The following PTCHD4 variants were observed in gnomAD, a reference collection of about 807,000 sequenced individuals.
PTCHD4 encodes patched domain-containing protein 4.
Under a neutral mutation model 58.1 loss-of-function variants are expected in PTCHD4, and 33 were observed. That is an observed-to-expected ratio of 0.57 (90% CI 0.43 to 0.76). The LOEUF is 0.76. Among genes scored for constraint, PTCHD4 ranks in the 30% least tolerant of loss-of-function variants. The pLI is 0.00. For synonymous variants in PTCHD4, 478 were observed against 409.6 expected, an observed-to-expected ratio of 1.17 and a Z score of -2.02; for missense variants, 1,058 against 1,027.1, an observed-to-expected ratio of 1.03 and a Z score of -0.41.
At chr6:47,949,359 A>T (rs1374433692) in intron 4 of PTCHD4, among the ~76,000 whole-genome samples, 1 of 152,120 alleles carries the variant, frequency 6.6e-6, no homozygotes, top group East Asian at 1.9e-4. Flanking sequence ...AAAAGATATG[A>T]CCAGGTGGGG....
chr6:48,034,409 G>A (rs1366841185), intron 3 of PTCHD4, among the ~76,000 whole-genome samples: 1 of 151,970 alleles, frequency 6.6e-6, no homozygotes, highest in Non-Finnish European at 1.5e-5. Context: ...TTTGGGTGTG[G>A]GCCTTGACAT....
chr6:48,065,413 G>C lies in PTCHD4; in HGVS notation c.417+2817C>G, dbSNP rs372336015. 1.1e-4 allele frequency among the ~76,000 whole-genome samples: 16 copies of C among 152,164 alleles called. No individual in the cohort carries two copies. In the East Asian group the frequency reaches 1.9e-3, roughly 18 times the overall value. On this transcript the variant is annotated intron_variant, in intron 3 of 4. Transcript: ENST00000339488. Reference sequence around the variant, plus strand: ...AGGAGAAAGCAAAATGAATTTGAGGGCTAAAAAAATACATATAAAAATTTT... The same window carrying C: ...AGGAGAAAGCAAAATGAATTTGAGGCCTAAAAAAATACATATAAAAATTTT...
chr6:47,998,982 G>A (rs1279443271), intron 4 of PTCHD4, among the ~76,000 whole-genome samples: 4 of 152,152 alleles, frequency 2.6e-5, no homozygotes, highest in African/African-American at 7.2e-5. Context: ...AATCATAAAA[G>A]CCACCAATAA....
At chr6:47,938,621 G>T (rs1324443223) in intron 4 of PTCHD4, among the ~76,000 whole-genome samples, 1 of 152,184 alleles carries the variant, frequency 6.6e-6, no homozygotes, top group Non-Finnish European at 1.5e-5. Context: ...TAATGTAATT[G>T]CTGGGAAGCA....
intron 1 of PTCHD4, among the ~76,000 whole-genome samples, chr6:48,078,203 A>G (rs1765095515): frequency 6.6e-6 from 1 of 152,198 alleles, no homozygotes; most frequent in Non-Finnish European, 1.5e-5. Context: ...GGTTTGCCAC[A>G]TCTTAAAAAA....
chr6:48,061,605 T>G (rs1443172244), intron 3 of PTCHD4, among the ~76,000 whole-genome samples: 1 of 152,192 alleles, frequency 6.6e-6, no homozygotes, highest in Non-Finnish European at 1.5e-5. Flanking sequence ...GTAGGTCTTT[T>G]GTAAGACCTG....
intron 3 of PTCHD4, among the ~76,000 whole-genome samples, chr6:48,024,434 G>A (rs183517813): frequency 2.0e-5 from 3 of 152,206 alleles, no homozygotes; most frequent in African/African-American, 7.2e-5. Flanking sequence ...TTGAAAGGCA[G>A]ACTCTGCCTG....
intron 1 of PTCHD4, among the ~76,000 whole-genome samples, chr6:48,073,140 T>C (rs1765004914): frequency 6.6e-6 from 1 of 152,212 alleles, no homozygotes. Flanking sequence ...GGGCTTAATA[T>C]AAAGCTGAAA....
chr6:48,079,007 T>C (rs1396635306), intron 1 of PTCHD4, among the ~76,000 whole-genome samples: 1 of 150,932 alleles, frequency 6.6e-6, no homozygotes, highest in Non-Finnish European at 1.5e-5. Flanking sequence ...TAGTCCCAGC[T>C]ACTGGGAGGC....
chr6:47,899,325 T>C (rs1561945998), intron 4 of PTCHD4, among the ~76,000 whole-genome samples: 1 of 152,230 alleles, frequency 6.6e-6, no homozygotes, highest in South Asian at 2.1e-4. Context: ...TTATCACAGG[T>C]GCTTAGGACA....
At chr6:48,060,285 C>T (rs138846014) in intron 3 of PTCHD4, among the ~76,000 whole-genome samples, 3 of 152,216 alleles carry the variant, frequency 2.0e-5, no homozygotes, top group African/African-American at 7.2e-5. Flanking sequence ...CATTAAAGGA[C>T]CTGGTGAGGT....
intron 4 of PTCHD4, among the ~76,000 whole-genome samples, chr6:47,910,638 A>C (rs1356773317): frequency 3.3e-5 from 5 of 151,950 alleles, no homozygotes; most frequent in Non-Finnish European, 5.9e-5. Flanking sequence ...GAGTCTACAT[A>C]TTTTTTAAAT....
At chr6:48,063,632 G>T (rs1764704095) in intron 3 of PTCHD4, among the ~76,000 whole-genome samples, 1 of 152,104 alleles carries the variant, frequency 6.6e-6, no homozygotes, top group Non-Finnish European at 1.5e-5. Context: ...AATGGGAATA[G>T]AAATAATCCC....
intron 4 of PTCHD4, among the ~76,000 whole-genome samples, chr6:47,915,529 G>A (rs1765215626): frequency 6.6e-6 from 1 of 151,366 alleles, no homozygotes; most frequent in South Asian, 2.1e-4. Flanking sequence ...GTTCCAAAAG[G>A]CTCTCAGCTG....
In PTCHD4 at chr6:48,068,732, G is replaced by A; in HGVS notation, c.6-91C>T. Reference sequence around the variant, plus strand: ...GGGCCAGTCCCCCCTCCCCACCGCCGCCGCCTCCCCACCCACTCCGCGCTC... The same window carrying A: ...GGGCCAGTCCCCCCTCCCCACCGCCACCGCCTCCCCACCCACTCCGCGCTC... On this transcript the variant is annotated intron_variant, in intron 2 of 4. Transcript: ENST00000339488. This position sits in a 1 kb window ranked among gnomAD's most constrained non-coding sequence, Gnocchi z 4.2. The A allele has an allele frequency of 6.0e-6, 7 of 1,172,112 alleles. No individual in the cohort carries two copies. Among genetic ancestry groups the A allele is most frequent in the Non-Finnish European group, 7.7e-6 (7 of 906,664 alleles). The allele number at this position is 1,172,112 out of a possible 1,614,324, so 72.6% of individuals were successfully genotyped here.
At chr6:47,945,137 A>G (rs1435798339) in intron 4 of PTCHD4, among the ~76,000 whole-genome samples, 1 of 152,098 alleles carries the variant, frequency 6.6e-6, no homozygotes, top group Non-Finnish European at 1.5e-5. Context: ...CCGAGAAGGA[A>G]AATTTTACTA....
chr6:48,100,295 A>G (rs1156631754), intron 1 of PTCHD4, among the ~76,000 whole-genome samples: 2 of 152,212 alleles, frequency 1.3e-5, no homozygotes, highest in African/African-American at 2.4e-5. Context: ...GATAATGAAT[A>G]TGGATTGTAA....
rs537565187 is a variant in PTCHD4 at position 48,019,021 on chromosome 6, A to G, written c.418-9907T>C. On this transcript the variant is annotated intron_variant, in intron 3 of 4. Transcript: ENST00000339488. ...GGACTATGACATCTGGAACATTAAC[A>G]CCTTTGACTGGAAAAGTAGATCACA... is the stretch of plus-strand genomic sequence containing the variant. 1.5e-4 allele frequency among the ~76,000 whole-genome samples: 23 copies of G among 152,346 alleles called. No homozygotes were observed. The South Asian group carries it at 4.4e-3, about 29-fold the overall frequency.
In PTCHD4 at chr6:47,917,067, G is replaced by T. The variant is rs542807405; in HGVS notation, c.899-37131C>A. 2.6e-5 allele frequency among the ~76,000 whole-genome samples: 4 copies of T among 152,084 alleles called. No homozygotes were observed. The East Asian group carries it at 7.7e-4, about 29-fold the overall frequency. On this transcript the variant is annotated intron_variant, in intron 4 of 4. Coordinates refer to ENST00000339488, the MANE Select transcript of PTCHD4 (RefSeq NM_001384253.1). ...GTGGACAACTTTGTATGTAAAACATGATTATATTTTTCAAAATTTAATTTG... is the reference window on the plus strand; with the variant it reads ...GTGGACAACTTTGTATGTAAAACATTATTATATTTTTCAAAATTTAATTTG...
Sources: gnomAD v4.1 joint callset for allele counts (sites outside exome capture counted in the v4.1 genomes callset) on GRCh38, gnomAD v4.1.1 for gene constraint, Gnocchi (gnomAD v3.1) non-coding constraint, MANE v1.5 for transcripts, NCBI Gene and HGNC (gene_info 2026-07-23, HGNC 2026-07-21) for gene names.